Variants in BCL2 observed in about 807,000 individuals in gnomAD.
The protein encoded by BCL2 is BCL2 apoptosis regulator, also known as apoptosis regulator Bcl-2.
BCL2 carries 1 observed loss-of-function variant against 14.2 expected under a neutral mutation model. The observed-to-expected ratio is 0.07, with a 90% CI of 0.02 to 0.33. The LOEUF (loss-of-function observed/expected upper bound fraction) is 0.33. BCL2 is among the 10% of genes least tolerant of loss of function. The probability of loss-of-function intolerance (pLI) is 0.99; values close to 1 mark genes in which losing one functional copy is unlikely to be tolerated. For synonymous variants in BCL2, 151 were observed against 137.2 expected (o/e 1.10, Z -0.70); for missense variants, 247 against 305.9 (o/e 0.81, Z 1.44).
chr18:63,229,457 A>G (rs1275609645), intron 2 of BCL2, among the ~76,000 whole-genome samples: 2 of 152,178 alleles, frequency 1.3e-5, no homozygotes, highest in Non-Finnish European at 2.9e-5. Flanking sequence ...ATGCTGAAGG[A>G]GGAGGTGACT....
chr18:63,217,420 C>T (rs1179661110), intron 2 of BCL2, among the ~76,000 whole-genome samples: 2 of 152,066 alleles, frequency 1.3e-5, no homozygotes, highest in African/African-American at 4.8e-5. Flanking sequence ...TCCCAATGGT[C>T]AGGAAAAAAA....
intron 2 of BCL2, among the ~76,000 whole-genome samples, chr18:63,239,517 G>A (rs188504443): frequency 5.1e-4 from 77 of 152,272 alleles, no homozygotes; most frequent in Middle Eastern, 3.4e-3. Context: ...CAAGATGAGC[G>A]GATCACCTGA....
intron 2 of BCL2, among the ~76,000 whole-genome samples, chr18:63,303,237 A>G (rs900632803): frequency 1.1e-4 from 16 of 152,210 alleles, no homozygotes; most frequent in Non-Finnish European, 2.9e-5. Context: ...TGTTTTTCCA[A>G]CGCACACTCT....
intron 2 of BCL2, among the ~76,000 whole-genome samples, chr18:63,141,844 T>C (rs1313049858): frequency 6.6e-6 from 1 of 152,234 alleles, no homozygotes; most frequent in Non-Finnish European, 1.5e-5. Context: ...TACTTGTCGG[T>C]CATGATTTGG....
intron 2 of BCL2, among the ~76,000 whole-genome samples, chr18:63,187,153 C>A (rs1164727965): frequency 6.6e-6 from 1 of 152,172 alleles, no homozygotes; most frequent in African/African-American, 2.4e-5. Flanking sequence ...GTCAGTGTGA[C>A]TTTAGGAAGG....
At chr18:63,264,714 C>A (rs1911767289) in intron 2 of BCL2, among the ~76,000 whole-genome samples, 1 of 152,152 alleles carries the variant, frequency 6.6e-6, no homozygotes. Flanking sequence ...AGGGGATCAT[C>A]CACTAAAGAA....
At chr18:63,175,522 A>G (rs368579506) in intron 2 of BCL2, among the ~76,000 whole-genome samples, 3 of 152,344 alleles carry the variant, frequency 2.0e-5, no homozygotes, top group South Asian at 4.1e-4. Flanking sequence ...CTGTTAGTTC[A>G]TGTAAGGTCC....
chr18:63,152,153 C>T (rs1424206117), intron 2 of BCL2, among the ~76,000 whole-genome samples: 1 of 152,202 alleles, frequency 6.6e-6, no homozygotes, highest in Non-Finnish European at 1.5e-5. Flanking sequence ...CTTTGTATGA[C>T]TTCCAAGAGA....
At chr18:63,212,658 C>T (rs896669454) in intron 2 of BCL2, among the ~76,000 whole-genome samples, 6 of 152,092 alleles carry the variant, frequency 3.9e-5, no homozygotes, top group African/African-American at 9.6e-5. Flanking sequence ...GGGCGGATCA[C>T]GAGGTCAGGA....
intron 2 of BCL2, among the ~76,000 whole-genome samples, chr18:63,234,749 C>G (rs1023784326): frequency 6.6e-6 from 1 of 152,176 alleles, no homozygotes; most frequent in Admixed American, 6.5e-5. Flanking sequence ...AGCTGTGAGA[C>G]CTTAGTCAAT....
At chr18:63,185,962 T>C (rs1915585497) in intron 2 of BCL2, among the ~76,000 whole-genome samples, 2 of 152,226 alleles carry the variant, frequency 1.3e-5, no homozygotes, top group Admixed American at 6.5e-5. Flanking sequence ...AGCTTGGAGC[T>C]TTAGGATGAA....
intron 2 of BCL2, among the ~76,000 whole-genome samples, chr18:63,269,973 G>GTA (rs962211309): frequency 3.9e-5 from 6 of 152,028 alleles, no homozygotes; most frequent in Non-Finnish European, 5.9e-5. Flanking sequence ...CCTTTGAAAT[G>GTA]TATATATATA....
chr18:63,164,894 T>C (rs1451919570), intron 2 of BCL2, among the ~76,000 whole-genome samples: 1 of 152,118 alleles, frequency 6.6e-6, no homozygotes, highest in South Asian at 2.1e-4. Context: ...TAGAAGAATA[T>C]TTTTCACAAT....
intron 2 of BCL2, among the ~76,000 whole-genome samples, chr18:63,199,335 A>G (rs1909616166): frequency 1.3e-5 from 2 of 151,204 alleles, no homozygotes; most frequent in Non-Finnish European, 3.0e-5. Context: ...TGCACACACA[A>G]GACACACAGG....
rs1910040063 is a variant in BCL2 at position 63,212,243 on chromosome 18, GCT to G, written c.586-83486_586-83485del. Among the ~76,000 whole-genome samples, 2 of 151,568 alleles carry G rather than the reference GCT, an allele frequency of 1.3e-5. 1 individual carries two copies. Among genetic ancestry groups the G allele is most frequent in the Non-Finnish European group, 3.0e-5 (2 of 67,764 alleles). On this transcript the variant is annotated intron_variant, in intron 2 of 2. Coordinates refer to ENST00000333681, the MANE Select transcript of BCL2 (RefSeq NM_000633.3). ...CGGGAGGCTGAGGCGAGACAGAATT[GCT>G]TGAACCCAGGAGGCAGAGGTTGCAG... is the stretch of plus-strand genomic sequence containing the variant.
intron 2 of BCL2, among the ~76,000 whole-genome samples, chr18:63,129,750 A>C (rs1914015615): frequency 6.6e-6 from 1 of 152,228 alleles, no homozygotes; most frequent in Non-Finnish European, 1.5e-5. Context: ...GGCTAACGGC[A>C]GCTCTATGAG....
chr18:63,134,698 T>G (rs1474852382), intron 2 of BCL2, among the ~76,000 whole-genome samples: 3 of 152,188 alleles, frequency 2.0e-5, no homozygotes, highest in Non-Finnish European at 4.4e-5. Flanking sequence ...GCTTACACTC[T>G]AGAGAGAGGT....
At position 63,269,530 on chromosome 18, in the gene BCL2, AC is replaced by A. The variant is rs1341796059; in HGVS notation, c.585+48551del. ...ACAAGGGATTTTCATCTAAATCTCA[AC>A]CCATAGAAAAATATCAAGGAGAAAG... is the stretch of plus-strand genomic sequence containing the variant. On this transcript the variant is annotated intron_variant, in intron 2 of 2. Transcript: ENST00000333681. Among the ~76,000 whole-genome samples the A allele has an allele frequency of 2.0e-5, 3 of 152,220 alleles. No individual in the cohort carries two copies. The East Asian group carries it at 5.8e-4, about 29-fold the overall frequency.
intron 2 of BCL2, among the ~76,000 whole-genome samples, chr18:63,280,025 C>A (rs976089304): frequency 6.6e-6 from 1 of 152,174 alleles, no homozygotes; most frequent in Non-Finnish European, 1.5e-5. Flanking sequence ...CTTTTACCTG[C>A]ATGATGGCTA....
Sources: allele counts gnomAD v4.1 joint callset (sites outside exome capture counted in the v4.1 genomes callset), GRCh38; gene constraint gnomAD v4.1.1; transcripts MANE v1.5; gene names NCBI Gene and HGNC (gene_info 2026-07-23, HGNC 2026-07-21).